DAB1: variants seen among roughly 807,000 people sequenced by gnomAD.
DAB1 encodes DAB adaptor protein 1.
A neutral mutation model predicts 64.6 loss-of-function variants in DAB1; 15 were observed. That is an observed-to-expected ratio of 0.23 (90% CI 0.16 to 0.36). The LOEUF is 0.36. Among genes scored for constraint, DAB1 ranks in the 10% least tolerant of loss-of-function variants. DAB1 has a pLI of 1.00. For synonymous variants in DAB1, 235 were observed against 251.9 expected, an observed-to-expected ratio of 0.93 and a Z score of 0.64; for missense variants, 596 against 706.7, an observed-to-expected ratio of 0.84 and a Z score of 1.78.
chr1:57,627,145 G>A (rs1370380514), intron 7 of DAB1, among the ~76,000 whole-genome samples: 1 of 152,136 alleles, frequency 6.6e-6, no homozygotes, highest in African/African-American at 2.4e-5. Context: ...CTTTCTGCCC[G>A]ACTGCTTGAG....
chr1:58,483,663 C>T (rs1413532474), intron 3 of DAB1, among the ~76,000 whole-genome samples: 2 of 152,122 alleles, frequency 1.3e-5, no homozygotes, highest in Non-Finnish European at 2.9e-5. Context: ...GCACTTACAG[C>T]ACTTAAGTAA....
rs935775641 is a variant in DAB1 at position 56,996,207 on chromosome 1, A to T, written c.*1937T>A. The stretch of plus-strand genomic sequence containing the variant: ...TAGTTTCTATTGATATGAAGAATCA[A>T]ATGCAGGCCTATTCAAATCAATTGT... On this transcript the variant is annotated 3_prime_UTR_variant, in exon 15 of 15. Coordinates refer to ENST00000371236, the MANE Select transcript of DAB1 (RefSeq NM_001365792.1). The T allele has an allele frequency of 6.6e-6, 1 of 152,222 alleles. No homozygotes were observed. The highest frequency in any genetic ancestry group is 6.5e-5 in the Admixed American group (1 of 15,284). 9.4% of individuals were successfully genotyped at this position (152,222 alleles called of 1,614,324 possible). A position where few individuals can be genotyped will look rare whatever the true frequency, so the allele number is the denominator to read the frequency against.
chr1:57,691,670 G>GAC (rs1323769731), intron 6 of DAB1, among the ~76,000 whole-genome samples: 1 of 151,964 alleles, frequency 6.6e-6, no homozygotes, highest in Non-Finnish European at 1.5e-5. Context: ...ACAAACTCTG[G>GAC]ACACACCATC....
chr1:57,710,431 C>G (rs1240834774), intron 6 of DAB1, among the ~76,000 whole-genome samples: 3 of 152,196 alleles, frequency 2.0e-5, no homozygotes, highest in Non-Finnish European at 4.4e-5. Flanking sequence ...GATGTACAAA[C>G]TTCACTGTTG....
intron 4 of DAB1, among the ~76,000 whole-genome samples, chr1:57,092,199 T>C (rs1343032048): frequency 2.0e-5 from 3 of 152,200 alleles, no homozygotes; most frequent in South Asian, 2.1e-4. Flanking sequence ...TTCAACAAAA[T>C]CATTTATTGA....
At chr1:58,002,838 T>C (rs886973308) in intron 5 of DAB1, among the ~76,000 whole-genome samples, 5 of 152,206 alleles carry the variant, frequency 3.3e-5, no homozygotes, top group Admixed American at 6.5e-5. Context: ...GTTTGAAACT[T>C]AGCTCAACCA....
intron 7 of DAB1, among the ~76,000 whole-genome samples, chr1:57,461,362 T>C (rs1015860214): frequency 6.6e-6 from 1 of 152,172 alleles, no homozygotes; most frequent in Non-Finnish European, 1.5e-5. Context: ...TGTTTTTCTA[T>C]TTTCCCTCAA....
intron 4 of DAB1, among the ~76,000 whole-genome samples, chr1:57,075,870 C>G (rs1045558787): frequency 2.0e-5 from 3 of 152,140 alleles, no homozygotes; most frequent in African/African-American, 7.2e-5. Flanking sequence ...GCTCCCTCAA[C>G]CAACAACAAA....
chr1:57,606,583 T>C (rs1225014879), intron 7 of DAB1, among the ~76,000 whole-genome samples: 2 of 100,012 alleles, frequency 2.0e-5, no homozygotes, highest in Non-Finnish European at 3.8e-5. Context: ...AAATATATAA[T>C]ATAATATATT....
chr1:57,183,791 AG>A (rs1663236020), intron 2 of DAB1, among the ~76,000 whole-genome samples: 2 of 152,336 alleles, frequency 1.3e-5, no homozygotes, highest in South Asian at 4.1e-4. Flanking sequence ...AGAGATAGGC[AG>A]TACTCTATAT....
chr1:58,161,539 T>A (rs1233793023), intron 4 of DAB1, among the ~76,000 whole-genome samples: 1 of 152,176 alleles, frequency 6.6e-6, no homozygotes, highest in African/African-American at 2.4e-5. Flanking sequence ...TAACATGAGG[T>A]AACATTTAAT....
At chr1:57,180,014 G>T (rs1557879102) in intron 2 of DAB1, among the ~76,000 whole-genome samples, 2 of 152,148 alleles carry the variant, frequency 1.3e-5, no homozygotes, top group Non-Finnish European at 2.9e-5. Flanking sequence ...AGGCTACCCT[G>T]CAAGAGCCCC....
chr1:57,666,988 C>A (rs1646456566), intron 6 of DAB1, among the ~76,000 whole-genome samples: 1 of 152,026 alleles, frequency 6.6e-6, no homozygotes, highest in African/African-American at 2.4e-5. Flanking sequence ...TTCTGGCTAC[C>A]TCCCTAACTT....
intron 2 of DAB1, among the ~76,000 whole-genome samples, chr1:57,223,637 C>T (rs1569953340): frequency 1.3e-5 from 2 of 152,302 alleles, no homozygotes; most frequent in South Asian, 2.1e-4. Flanking sequence ...TAGGTGGAAG[C>T]AGGAAGATGC....
At chr1:57,924,617 A>G (rs1202758) in intron 5 of DAB1, among the ~76,000 whole-genome samples, 26,023 of 137,590 alleles carry the variant, frequency 0.19, 3,024 homozygotes, top group African/African-American at 0.35. Context: ...CCACCACCAC[A>G]CTTGGCTAAT....
chr1:57,750,296 C>A (rs1184182577), intron 6 of DAB1, among the ~76,000 whole-genome samples: 12 of 152,154 alleles, frequency 7.9e-5, no homozygotes, highest in Non-Finnish European at 1.8e-4. Flanking sequence ...TGCTTTATTT[C>A]TAACCATTCA....
At chr1:57,218,153 G>A (rs903802142) in intron 2 of DAB1, among the ~76,000 whole-genome samples, 7 of 152,126 alleles carry the variant, frequency 4.6e-5, no homozygotes, top group African/African-American at 1.7e-4. Context: ...TCTACCAACC[G>A]GACGAGGTTG....
chr1:57,355,821 G>A (rs1175842291), intron 1 of DAB1, among the ~76,000 whole-genome samples: 1 of 143,684 alleles, frequency 7.0e-6, no homozygotes, highest in Non-Finnish European at 1.5e-5. Flanking sequence ...AGAAATAATA[G>A]GCTTTAAGCA....
Position 57,998,509 on chromosome 1 carries a change from G to A in DAB1, n.388-114347C>T, listed in dbSNP as rs756076637. Among the ~76,000 whole-genome samples, 11 of 151,038 alleles carry A rather than the reference G, an allele frequency of 7.3e-5. No homozygotes were observed. The East Asian group carries it at 1.6e-3, about 22-fold the overall frequency. ...CTCTTGAGTAGCTGGGACTACAGGC[G>A]CACACCACCACACCCAGCTAATTTT... On this transcript the variant is annotated intron_variant and non_coding_transcript_variant, in intron 5 of 20. Transcript: ENST00000485760.
Sources: allele counts gnomAD v4.1 joint callset (sites outside exome capture counted in the v4.1 genomes callset), GRCh38; gene constraint gnomAD v4.1.1; transcripts MANE v1.5; gene names NCBI Gene and HGNC (gene_info 2026-07-23, HGNC 2026-07-21).